The following PRPF3 variants were observed in gnomAD, a reference collection of about 807,000 sequenced individuals.
PRPF3 encodes pre-mRNA processing factor 3.
A neutral mutation model predicts 89.2 loss-of-function variants in PRPF3; 3 were observed. The observed-to-expected ratio is 0.03, with a 90% CI of 0.02 to 0.09. The LOEUF (loss-of-function observed/expected upper bound fraction) is 0.09, where lower values mean the gene tolerates loss of function less well. Ranked by LOEUF, PRPF3 falls within the 10% of genes least tolerant of loss-of-function variation. The probability of loss-of-function intolerance (pLI) is 1.00; values close to 1 mark genes in which losing one functional copy is unlikely to be tolerated. For missense variants in PRPF3, 463 were observed against 828.8 expected, an observed-to-expected ratio of 0.56 and a Z score of 5.42; for synonymous variants, 270 against 289.1, an observed-to-expected ratio of 0.93 and a Z score of 0.67.
chr1:150,348,788 C>T (rs1184614009), intron 14 of PRPF3: 4 of 282,588 alleles, frequency 1.4e-5, no homozygotes, highest in South Asian at 1.1e-4. Flanking sequence ...TATATCTGCC[C>T]TCCTCCTCCA....
chr1:150,340,555 G>GT, intron 9 of PRPF3, 78 bp downstream of exon 9: 3 of 1,130,012 alleles, frequency 2.7e-6, no homozygotes, highest in Non-Finnish European at 4.0e-6. Context: ...AACATGTTCT[G>GT]TATCTATGCT....
intron 8 of PRPF3, among the ~76,000 whole-genome samples, chr1:150,338,668 C>T (rs189839182): frequency 6.6e-6 from 1 of 152,188 alleles, no homozygotes; most frequent in Admixed American, 6.6e-5. Context: ...GTGTGTGCCA[C>T]CATGCCCATC....
intron 3 of PRPF3, among the ~76,000 whole-genome samples, chr1:150,326,491 G>A (rs1553863813): frequency 6.6e-6 from 1 of 151,858 alleles, no homozygotes; most frequent in Non-Finnish European, 1.5e-5. Flanking sequence ...GCCTCTTTCA[G>A]TATTAGCAGT....
At chr1:150,331,852 T>G (rs1189204138) in intron 4 of PRPF3, among the ~76,000 whole-genome samples, 1 of 152,122 alleles carries the variant, frequency 6.6e-6, no homozygotes, top group Non-Finnish European at 1.5e-5. Context: ...TTATAGAGAC[T>G]AGGGAGCAGG....
Position 150,335,218 on chromosome 1 carries a change from A to T in PRPF3, c.1012A>T (p.Ile338Phe). The T allele has an allele frequency of 6.2e-7, 1 of 1,614,150 alleles. No individual in the cohort carries two copies. Among genetic ancestry groups the T allele is most frequent in the East Asian group, 2.2e-5 (1 of 44,886 alleles). Reference protein sequence around the residue: ...KFHDKGKFEKIAQRLRTKAQL... With the variant: ...KFHDKGKFEKFAQRLRTKAQL... ...CCATGACAAGGGCAAATTTGAGAAG[A>T]TTGCTCAGCGATTACGGACAAAGGT... is the stretch of plus-strand genomic sequence containing the variant. Residue 338 changes from isoleucine to phenylalanine, a missense_variant, in exon 7 of 16, where the codon ATT (isoleucine) becomes TTT (phenylalanine). This residue lies in a region of PRPF3 where 261 missense variants were observed against 475.8 expected (regional missense o/e 0.55). Transcript: ENST00000324862.
chr1:150,344,355 G>T, intron 11 of PRPF3, 79 bp from the exon 12 acceptor site: 1 of 1,613,954 alleles, frequency 6.2e-7, no homozygotes, highest in South Asian at 1.1e-5. Context: ...AGAGTTCTCC[G>T]TTGCTCTCTC....
At chr1:150,342,787 C>G (rs1396732872) in intron 9 of PRPF3, among the ~76,000 whole-genome samples, 3 of 152,048 alleles carry the variant, frequency 2.0e-5, no homozygotes, top group Non-Finnish European at 2.9e-5. Context: ...TCCCAAAGTG[C>G]TGGGATTACA....
In PRPF3 at chr1:150,337,199, C is replaced by T. The variant is rs587690896; in HGVS notation, c.1036-961C>T. On this transcript the variant is annotated intron_variant, in intron 7 of 15. Transcript: ENST00000324862. ...GACTATAGGCGCCCGCCACCACGCC[C>T]GGCTAATTTTTTTGTATTTTTAGTA... 1.1e-4 allele frequency among the ~76,000 whole-genome samples: 17 copies of T among 151,920 alleles called. No individual in the cohort carries two copies. The South Asian group carries it at 2.9e-3, about 26-fold the overall frequency.
At chr1:150,343,750 T>C (rs587695415) in intron 10 of PRPF3, among the ~76,000 whole-genome samples, 13 of 152,328 alleles carry the variant, frequency 8.5e-5, no homozygotes, top group Admixed American at 8.5e-4. Context: ...CGTAGACTTT[T>C]TATGTACATA....
At chr1:150,351,124 G>C (rs1288585244) in intron 15 of PRPF3, among the ~76,000 whole-genome samples, 4 of 152,102 alleles carry the variant, frequency 2.6e-5, no homozygotes, top group Non-Finnish European at 5.9e-5. Flanking sequence ...AATTAGTGGG[G>C]CGTGGTGGCC....
At chr1:150,341,382 G>A (rs1288458783) in intron 9 of PRPF3, among the ~76,000 whole-genome samples, 1 of 150,194 alleles carries the variant, frequency 6.7e-6, no homozygotes, top group African/African-American at 2.4e-5. Flanking sequence ...GTTGAAACTG[G>A]GAAACAAAGT....
chr1:150,338,933 T>G (rs1657354645), intron 8 of PRPF3, among the ~76,000 whole-genome samples: 1 of 152,220 alleles, frequency 6.6e-6, no homozygotes, highest in African/African-American at 2.4e-5. Flanking sequence ...CTTTTTGCTC[T>G]GTTACACATT....
Position 150,335,128 on chromosome 1 carries a change from A to C in PRPF3, c.922A>C (p.Asn308His). The C allele has an allele frequency of 6.2e-7, 1 of 1,614,074 alleles. No homozygotes were observed. The highest frequency in any genetic ancestry group is 1.1e-5 in the South Asian group (1 of 91,080). Residue 308 changes from asparagine to histidine, a missense_variant, in exon 7 of 16, where the codon AAT (asparagine) becomes CAT (histidine). By Grantham distance (68) the Asn-to-His change is moderately conservative. This residue lies in a region of PRPF3 where 261 missense variants were observed against 475.8 expected (regional missense o/e 0.55). Transcript: ENST00000324862. ...KEKPSEDMES[N>H]TFFDPRVSIA... is the part of the protein sequence containing the mutation. Reference sequence around the variant, plus strand: ...AAAGCCATCAGAAGACATGGAATCCAATACCTTTTTTGACCCCCGAGTCTC... The same window carrying C: ...AAAGCCATCAGAAGACATGGAATCCCATACCTTTTTTGACCCCCGAGTCTC...
At chr1:150,350,656 T>C (rs1658834777) in intron 15 of PRPF3, among the ~76,000 whole-genome samples, 1 of 152,166 alleles carries the variant, frequency 6.6e-6, no homozygotes, top group Non-Finnish European at 1.5e-5. Context: ...CAAATTCTAA[T>C]TATACAGAAG....
chr1:150,345,889 A>G (rs1472435638), intron 12 of PRPF3, 129 bp from the exon 13 acceptor site: 12 of 772,804 alleles, frequency 1.6e-5, no homozygotes, highest in Admixed American at 1.2e-4. Flanking sequence ...GCATTCATCT[A>G]TTTGTTTACT....
At chr1:150,336,401 G>C (rs1657004505) in intron 7 of PRPF3, among the ~76,000 whole-genome samples, 1 of 152,136 alleles carries the variant, frequency 6.6e-6, no homozygotes, top group African/African-American at 2.4e-5. Context: ...CTCACCTCCT[G>C]TTGTGCAGCC....
chr1:150,334,812 C>G, intron 6 of PRPF3, 123 bp from the exon 7 acceptor site: 5 of 1,172,934 alleles, frequency 4.3e-6, no homozygotes, highest in Non-Finnish European at 2.5e-6. Context: ...CAAGTGATCC[C>G]TCTGCCTTGG....
At chr1:150,341,370 A>C (rs1186013858) in intron 9 of PRPF3, among the ~76,000 whole-genome samples, 4 of 151,086 alleles carry the variant, frequency 2.6e-5, no homozygotes, top group Non-Finnish European at 5.9e-5. Context: ...TAGTTTCCCA[A>C]AGTTGAAACT....
intron 3 of PRPF3, among the ~76,000 whole-genome samples, chr1:150,327,085 T>TTTC (rs1202113263): frequency 2.1e-5 from 3 of 144,896 alleles, no homozygotes; most frequent in Non-Finnish European, 1.5e-5. Flanking sequence ...TTTTTTTTTC[T>TTTC]AAGGGTGAGT....
Sources: gnomAD v4.1 joint callset for allele counts (sites outside exome capture counted in the v4.1 genomes callset) on GRCh38, gnomAD v4.1.1 for gene constraint, gnomAD v4.1.1 regional missense constraint, MANE v1.5 for transcripts, NCBI Gene and HGNC (gene_info 2026-07-23, HGNC 2026-07-21) for gene names.